Variants in ZBTB20 observed in about 807,000 individuals in gnomAD.
ZBTB20 encodes zinc finger and BTB domain-containing protein 20.
ZBTB20 carries 9 observed loss-of-function variants against 56.9 expected under a neutral mutation model. The ratio of observed to expected loss-of-function variants is 0.16; its 90% CI spans 0.10 to 0.28. The LOEUF (loss-of-function observed/expected upper bound fraction) is 0.28. ZBTB20 is among the 10% of genes least tolerant of loss of function. The pLI, the probability that ZBTB20 is intolerant of heterozygous loss-of-function variation, is 1.00. For missense variants in ZBTB20, 655 were observed against 1,003.0 expected (o/e 0.65, Z 4.69); for synonymous variants, 417 against 420.7 (o/e 0.99, Z 0.11).
intron 3 of ZBTB20, among the ~76,000 whole-genome samples, chr3:114,954,115 T>C (rs944602978): frequency 2.6e-5 from 4 of 152,168 alleles, no homozygotes; most frequent in Non-Finnish European, 5.9e-5. Context: ...TTTCATACTT[T>C]TATGAAACAG....
chr3:115,049,705 A>G (rs888130447), intron 2 of ZBTB20, among the ~76,000 whole-genome samples: 1 of 152,112 alleles, frequency 6.6e-6, no homozygotes, highest in Non-Finnish European at 1.5e-5. Flanking sequence ...CAAACTGTTT[A>G]GTCAATGTTA....
At chr3:114,915,447 A>C (rs1487705103) in intron 3 of ZBTB20, among the ~76,000 whole-genome samples, 1 of 151,568 alleles carries the variant, frequency 6.6e-6, no homozygotes, top group African/African-American at 2.4e-5. Context: ...GATTTTATTT[A>C]TTTGGGTCTT....
chr3:114,879,712 T>C (rs1398514520), intron 4 of ZBTB20, among the ~76,000 whole-genome samples: 1 of 152,196 alleles, frequency 6.6e-6, no homozygotes, highest in African/African-American at 2.4e-5. Context: ...TTTTGTGTGA[T>C]AGAATTATCT....
chr3:115,091,993 G>A (rs1003526871), intron 1 of ZBTB20, among the ~76,000 whole-genome samples: 3 of 152,060 alleles, frequency 2.0e-5, no homozygotes, highest in South Asian at 4.1e-4. Context: ...TGAAATGACC[G>A]AGCTTAAGTG....
chr3:114,550,515 T>C (rs1470375580), intron 6 of ZBTB20, among the ~76,000 whole-genome samples: 2 of 152,230 alleles, frequency 1.3e-5, no homozygotes, highest in Non-Finnish European at 2.9e-5. Context: ...TGATATTTCC[T>C]CTTCACTTAT....
At chr3:114,520,919 A>T (rs2046565150) in intron 6 of ZBTB20, among the ~76,000 whole-genome samples, 1 of 152,184 alleles carries the variant, frequency 6.6e-6, no homozygotes, top group Non-Finnish European at 1.5e-5. Context: ...CCTAGGAAGA[A>T]TCATGGTTGC....
At chr3:114,574,651 C>T (rs2053812476) in intron 6 of ZBTB20, among the ~76,000 whole-genome samples, 1 of 152,174 alleles carries the variant, frequency 6.6e-6, no homozygotes, top group South Asian at 2.1e-4. Flanking sequence ...CTGAGCTCTC[C>T]TTACCTTGCT....
intron 4 of ZBTB20, among the ~76,000 whole-genome samples, chr3:114,838,668 A>C (rs566955795): frequency 6.6e-6 from 1 of 152,322 alleles, no homozygotes; most frequent in Non-Finnish European, 1.5e-5. Context: ...AAATCCTAGA[A>C]TAGTAATACT....
At chr3:115,097,390 G>T (rs1347108865) in intron 1 of ZBTB20, among the ~76,000 whole-genome samples, 1 of 151,764 alleles carries the variant, frequency 6.6e-6, no homozygotes, top group East Asian at 1.9e-4. Flanking sequence ...CACCATGTTG[G>T]CCAGGATAGT....
intron 4 of ZBTB20, chr3:114,873,832 A>C (rs1328911487): frequency 6.6e-6 from 1 of 152,148 alleles, no homozygotes; most frequent in African/African-American, 2.4e-5. Flanking sequence ...GTCCTCTAAC[A>C]ATCTATTTCT....
At chr3:114,878,577 A>T (rs2076283381) in intron 4 of ZBTB20, among the ~76,000 whole-genome samples, 1 of 3,496 alleles carries the variant, frequency 2.9e-4, no homozygotes, top group African/African-American at 3.8e-4. Flanking sequence ...TGGAGAATTA[A>T]AAAAAAAAAA....
intron 2 of ZBTB20, among the ~76,000 whole-genome samples, chr3:114,989,504 C>T (rs141147465): frequency 6.6e-6 from 1 of 152,210 alleles, no homozygotes; most frequent in Non-Finnish European, 1.5e-5. Flanking sequence ...GTTACTGTAG[C>T]CTTGTAGTAT....
chr3:114,854,018 G>A (rs1356723863), intron 4 of ZBTB20, among the ~76,000 whole-genome samples: 1 of 152,104 alleles, frequency 6.6e-6, no homozygotes, highest in African/African-American at 2.4e-5. Flanking sequence ...CCTATTTTCT[G>A]AAACAAATAA....
chr3:114,818,917 G>T (rs779116698), intron 4 of ZBTB20, among the ~76,000 whole-genome samples: 7 of 151,866 alleles, frequency 4.6e-5, no homozygotes, highest in Non-Finnish European at 8.8e-5. Context: ...AACCCCAAAA[G>T]AACTTAAAAG....
At chr3:115,107,199 G>C (rs2083747753) in intron 1 of ZBTB20, among the ~76,000 whole-genome samples, 1 of 152,160 alleles carries the variant, frequency 6.6e-6, no homozygotes, top group South Asian at 2.1e-4. Context: ...GGCCAAGGTA[G>C]GAGGGTCACT....
chr3:114,997,353 T>C (rs971438216), intron 2 of ZBTB20, among the ~76,000 whole-genome samples: 1 of 151,814 alleles, frequency 6.6e-6, no homozygotes, highest in Non-Finnish European at 1.5e-5. Context: ...CTTGCGAATA[T>C]GCTAAACTCT....
chr3:114,537,221 A>G (rs1245756605), intron 6 of ZBTB20, among the ~76,000 whole-genome samples: 1 of 152,234 alleles, frequency 6.6e-6, no homozygotes, highest in Admixed American at 6.5e-5. Context: ...ATGGGAGAAC[A>G]TTTTTGCAAT....
At chr3:114,395,424 T>A (rs925207767) in intron 7 of ZBTB20, among the ~76,000 whole-genome samples, 2 of 152,176 alleles carry the variant, frequency 1.3e-5, no homozygotes, top group Non-Finnish European at 2.9e-5. Flanking sequence ...TTATGATTTT[T>A]AAGGTCCCTT....
intron 4 of ZBTB20, among the ~76,000 whole-genome samples, chr3:114,865,531 C>T (rs2075730130): frequency 6.6e-6 from 1 of 152,054 alleles, no homozygotes; most frequent in Admixed American, 6.6e-5. Flanking sequence ...GGCTTCCTTC[C>T]ACCTCCTATA....
Sources: allele counts gnomAD v4.1 joint callset (sites outside exome capture counted in the v4.1 genomes callset), GRCh38; gene constraint gnomAD v4.1.1; transcripts MANE v1.5; gene names NCBI Gene and HGNC (gene_info 2026-07-23, HGNC 2026-07-21).